The following AKAP11 variants were observed in gnomAD, a reference collection of about 807,000 sequenced individuals.
AKAP11 encodes the protein A-kinase anchor protein 11.
In AKAP11, 36 loss-of-function variants were observed where a neutral mutation model predicts 146.1. The observed-to-expected ratio is 0.25, with a 90% CI of 0.19 to 0.33. AKAP11 has a LOEUF of 0.33. Ranked by LOEUF, AKAP11 falls within the 10% of genes least tolerant of loss-of-function variation. The pLI is 1.00. For synonymous variants in AKAP11, 780 were observed against 786.5 expected (o/e 0.99, Z 0.14); for missense variants, 2,201 against 2,197.0 (o/e 1.00, Z -0.04).
chr13:42,298,594 T>C lies in AKAP11; in HGVS notation c.413T>C (p.Ile138Thr). ...TCACCTACATCACCAAGACTTAGGA[T>C]TGATTTTATCTTTAGTCTCCTAAGT... ...RVSPTSPRLR[I>T]DFIFSLLSKY... Residue 138 changes from isoleucine (I) to threonine (T), a missense_variant, in exon 7 of 13, where the codon ATT (isoleucine) becomes ACT (threonine). Physicochemically the swap from Ile to Thr is moderately conservative, Grantham distance 89 (BLOSUM62 -1). Around this residue, in one of 3 missense-constraint regions of AKAP11, gnomAD observed 331 missense variants for 347.4 expected, o/e 0.95. Coordinates refer to ENST00000025301, the MANE Select transcript of AKAP11 (RefSeq NM_016248.4). The C allele has an allele frequency of 1.9e-6, 3 of 1,612,742 alleles. No individual in the cohort carries two copies. Among genetic ancestry groups the C allele is most frequent in the Non-Finnish European group, 2.5e-6 (3 of 1,179,360 alleles).
At chr13:42,313,655 G>A (rs1960675076) in intron 10 of AKAP11, among the ~76,000 whole-genome samples, 1 of 152,092 alleles carries the variant, frequency 6.6e-6, no homozygotes, top group Admixed American at 6.6e-5. Flanking sequence ...ATGGCACTAT[G>A]TATCATGGTA....
intron 1 of AKAP11, among the ~76,000 whole-genome samples, chr13:42,281,816 C>T (rs1029213005): frequency 3.9e-5 from 6 of 152,044 alleles, no homozygotes; most frequent in African/African-American, 1.4e-4. Context: ...GATCTACCAT[C>T]TTCTCATATT....
chr13:42,297,293 T>G, intron 6 of AKAP11, 111 bp downstream of exon 6: 3 of 775,108 alleles, frequency 3.9e-6, no homozygotes, highest in Non-Finnish European at 5.7e-6. Context: ...TTTTAAATGG[T>G]ATCTCAAGGA....
intron 7 of AKAP11, 140 bp downstream of exon 7, chr13:42,298,937 C>T: frequency 1.2e-6 from 1 of 859,026 alleles, no homozygotes; most frequent in Non-Finnish European, 1.7e-6. Flanking sequence ...TTCTGATTAC[C>T]TAAGGAAATT....
intron 9 of AKAP11, among the ~76,000 whole-genome samples, chr13:42,309,096 T>A (rs1039953460): frequency 6.6e-6 from 1 of 152,178 alleles, no homozygotes; most frequent in African/African-American, 2.4e-5. Context: ...TATGCTTGAA[T>A]GATTGAAAAT....
At position 42,301,690 on chromosome 13, in the gene AKAP11, C is replaced by G. The variant is rs1959919797; in HGVS notation, c.2944C>G (p.Pro982Ala). 6.2e-7 allele frequency: 1 copy of G among 1,614,124 alleles called. No homozygotes were observed. The highest frequency in any genetic ancestry group is 1.1e-5 in the South Asian group (1 of 91,076). The change falls in exon 8 of 13, where the codon CCA becomes GCA. Residue 982 changes from proline (P) to alanine (A), a missense_variant. By Grantham distance (27) the Pro-to-Ala change is conservative (BLOSUM62 -1). Transcript: ENST00000025301. ...TTCTGGAGAAGAATCACAGTTGACA[C>G]CAGAAAAGTCTCCCAAATTTCCTGA... ...PVSGEESQLT[P>A]EKSPKFPDSQ...
chr13:42,309,546 G>A (rs1491002144), intron 9 of AKAP11, among the ~76,000 whole-genome samples: 2 of 152,152 alleles, frequency 1.3e-5, no homozygotes, highest in Non-Finnish European at 1.5e-5. Context: ...ACTTCATCTC[G>A]AAGAGTTTTG....
rs554553441 is a variant in AKAP11, at chr13:42,301,864, G to T, written c.3118G>T (p.Ala1040Ser). The change falls in exon 8 of 13, where the codon GCT (alanine) becomes TCT (serine). Residue 1040 changes from alanine to serine, a missense_variant. Transcript: ENST00000025301. Reference sequence around the variant, plus strand: ...TCAGAAATCTGACTTGAAGGAATCTGCTAAGGATCAACCACTGAAAAAGCA... The same window carrying T: ...TCAGAAATCTGACTTGAAGGAATCTTCTAAGGATCAACCACTGAAAAAGCA... ...TGQKSDLKES[A>S]KDQPLKKHNL... is the part of the protein sequence containing the mutation. 15 of 1,614,026 alleles carry T rather than the reference G, an allele frequency of 9.3e-6. No individual in the cohort carries two copies. The highest frequency in any genetic ancestry group is 1.3e-5 in the Non-Finnish European group (15 of 1,180,014).
chr13:42,297,266 T>C, intron 6 of AKAP11, 84 bp downstream of exon 6: 1 of 1,069,210 alleles, frequency 9.4e-7, no homozygotes, highest in Non-Finnish European at 1.3e-6. Context: ...TTTAAATGCT[T>C]GGATGACATT....
chr13:42,281,404 T>G (rs1959055465), intron 1 of AKAP11, among the ~76,000 whole-genome samples: 1 of 152,106 alleles, frequency 6.6e-6, no homozygotes, highest in African/African-American at 2.4e-5. Flanking sequence ...TACTGAGGTT[T>G]GAGAACTAGT....
chr13:42,295,520 C>T (rs1229233965), intron 4 of AKAP11, among the ~76,000 whole-genome samples, 175 bp from the exon 5 acceptor site: 4 of 151,956 alleles, frequency 2.6e-5, no homozygotes, highest in Non-Finnish European at 4.4e-5. Context: ...TTAAGAACTG[C>T]GTTTTGGAGC....
At chr13:42,314,049 T>G in intron 11 of AKAP11, 109 bp downstream of exon 11, 1 of 1,087,468 alleles carries the variant, frequency 9.2e-7, no homozygotes, top group South Asian at 1.6e-5. Context: ...GTGTAAAACA[T>G]TATAAATCAG....
intron 8 of AKAP11, 141 bp from the exon 9 acceptor site, chr13:42,308,309 CAAAT>C (rs1376908546): frequency 1.4e-5 from 9 of 639,302 alleles, no homozygotes; most frequent in East Asian, 2.8e-5. Flanking sequence ...TTGGCAGACT[CAAAT>C]AAAGGATTAC....
intron 7 of AKAP11, 98 bp downstream of exon 7, chr13:42,298,895 G>C: frequency 2.4e-6 from 3 of 1,246,536 alleles, no homozygotes; most frequent in Non-Finnish European, 3.2e-6. Flanking sequence ...TTTATGTTGA[G>C]ATTTGATTCA....
Position 42,300,173 on chromosome 13 carries a change from G to C in AKAP11, c.1427G>C (p.Arg476Thr), listed in dbSNP as rs773027852. Residue 476 changes from arginine (R) to threonine (T), a missense_variant, in exon 8 of 13, where the codon AGG (arginine) becomes ACG (threonine). Arg to Thr is a moderately conservative substitution (Grantham distance 71). Coordinates refer to ENST00000025301, the MANE Select transcript of AKAP11 (RefSeq NM_016248.4). ...TGCCAAACAGATATTGGTGGAGATA[G>C]GATTCATGAAAATCATGATTCTGTT... ...CFCQTDIGGD[R>T]IHENHDSVYY... 2.5e-6 allele frequency: 4 copies of C among 1,613,840 alleles called. No individual in the cohort carries two copies. Among genetic ancestry groups the C allele is most frequent in the East Asian group, 4.5e-5 (2 of 44,876 alleles).
Position 42,300,935 on chromosome 13 carries a change from C to G in AKAP11, c.2189C>G (p.Ala730Gly). The G allele has an allele frequency of 6.2e-7, 1 of 1,614,122 alleles. No homozygotes were observed. The highest frequency in any genetic ancestry group is 8.5e-7 in the Non-Finnish European group (1 of 1,179,976). The change falls in exon 8 of 13, where the codon GCA becomes GGA. Residue 730 changes from alanine (A) to glycine (G), a missense_variant. This residue lies in a region of AKAP11 where 1,867 missense variants were observed against 1,833.5 expected (regional missense o/e 1.02). Coordinates refer to ENST00000025301, the MANE Select transcript of AKAP11 (RefSeq NM_016248.4). ...VSTDNIKYVS[A>G]ESVVPSTQAV... ...ACGGATAATATCAAGTATGTGAGTG[C>G]AGAAAGTGTAGTGCCATCGACACAG...
chr13:42,306,495 TC>T (rs1334935053), intron 8 of AKAP11, among the ~76,000 whole-genome samples: 1 of 152,208 alleles, frequency 6.6e-6, no homozygotes, highest in African/African-American at 2.4e-5. Flanking sequence ...CTAAAGTTCT[TC>T]CTGTAAGCCA....
At chr13:42,297,331 T>C in intron 6 of AKAP11, 149 bp downstream of exon 6, 2 of 556,614 alleles carry the variant, frequency 3.6e-6, no homozygotes, top group South Asian at 3.6e-5. Context: ...ATATAACTCA[T>C]GAAGCATTGA....
At chr13:42,286,451 GA>G (rs1405568702) in intron 3 of AKAP11, 52 bp downstream of exon 3, 1 of 1,430,418 alleles carries the variant, frequency 7.0e-7, no homozygotes, top group African/African-American at 1.5e-5. Context: ...TTAAAATGTT[GA>G]TTTTTTTTTA....
Sources: allele counts gnomAD v4.1 joint callset (sites outside exome capture counted in the v4.1 genomes callset), GRCh38; gene constraint gnomAD v4.1.1; regional missense constraint gnomAD v4.1.1; transcripts MANE v1.5; gene names NCBI Gene and HGNC (gene_info 2026-07-23, HGNC 2026-07-21).